TCF12: variants seen among roughly 807,000 people sequenced by gnomAD.
TCF12 encodes the protein DNA-binding protein HTF4.
In TCF12, 45 loss-of-function variants were observed where a neutral mutation model predicts 86.0. The observed-to-expected ratio is 0.52, with a 90% CI of 0.41 to 0.67. The LOEUF (loss-of-function observed/expected upper bound fraction) is 0.67. TCF12 is among the 30% of genes least tolerant of loss of function. TCF12 has a pLI of 0.00. For missense variants in TCF12, 881 were observed against 859.9 expected, an observed-to-expected ratio of 1.02 and a Z score of -0.31; for synonymous variants, 330 against 299.6, an observed-to-expected ratio of 1.10 and a Z score of -1.05.
chr15:57,234,814 T>C (rs2059313946), intron 12 of TCF12, among the ~76,000 whole-genome samples: 1 of 152,230 alleles, frequency 6.6e-6, no homozygotes, highest in African/African-American at 2.4e-5. Flanking sequence ...GGGGCACTTG[T>C]GCTTTGCGCT....
At chr15:56,996,211 T>A (rs757649085) in intron 3 of TCF12, among the ~76,000 whole-genome samples, 2 of 152,154 alleles carry the variant, frequency 1.3e-5, no homozygotes, top group African/African-American at 2.4e-5. Context: ...GATTTTTGTG[T>A]CTGTATTCAT....
chr15:57,090,119 G>T (rs557352437), intron 4 of TCF12, among the ~76,000 whole-genome samples: 3 of 152,258 alleles, frequency 2.0e-5, no homozygotes, highest in Admixed American at 2.0e-4. Context: ...CTGGGAGCCT[G>T]AGGTGGGAGG....
chr15:57,179,180 T>A (rs2056163346), intron 6 of TCF12, among the ~76,000 whole-genome samples: 1 of 152,172 alleles, frequency 6.6e-6, no homozygotes, highest in African/African-American at 2.4e-5. Flanking sequence ...ATTTTCTTTT[T>A]TTGTGCTAGA....
chr15:57,271,693 C>G (rs186455855), intron 18 of TCF12, among the ~76,000 whole-genome samples: 1 of 152,336 alleles, frequency 6.6e-6, no homozygotes, highest in East Asian at 1.9e-4. Flanking sequence ...GAGCTGTAGA[C>G]CAGAGCTGTT....
intron 3 of TCF12, among the ~76,000 whole-genome samples, chr15:56,984,095 G>A (rs1227302309): frequency 6.8e-6 from 1 of 147,088 alleles, no homozygotes; most frequent in Non-Finnish European, 1.5e-5. Flanking sequence ...ACCTATTCTT[G>A]TGAAGAGAGA....
intron 3 of TCF12, among the ~76,000 whole-genome samples, chr15:56,985,816 C>T (rs1271995809): frequency 6.6e-6 from 1 of 152,114 alleles, no homozygotes; most frequent in Non-Finnish European, 1.5e-5. Flanking sequence ...AAATGAAGAA[C>T]TCAGTGACTA....
chr15:57,022,246 T>C (rs2065537746), intron 3 of TCF12, among the ~76,000 whole-genome samples: 1 of 151,646 alleles, frequency 6.6e-6, no homozygotes, highest in African/African-American at 2.4e-5. Flanking sequence ...GGTCCCGGTG[T>C]GTGATGTTCC....
intron 3 of TCF12, among the ~76,000 whole-genome samples, chr15:56,977,209 A>C (rs555667497): frequency 6.6e-6 from 1 of 152,240 alleles, no homozygotes; most frequent in East Asian, 1.9e-4. Context: ...GGCAGGACAT[A>C]TGGGGGAAAA....
At chr15:57,119,742 TG>T (rs1716876098) in intron 5 of TCF12, among the ~76,000 whole-genome samples, 1 of 152,138 alleles carries the variant, frequency 6.6e-6, no homozygotes, top group South Asian at 2.1e-4. Context: ...AGCAGATCCT[TG>T]GTAAATATTC....
At chr15:56,969,913 T>C (rs892205981) in intron 3 of TCF12, among the ~76,000 whole-genome samples, 1 of 152,194 alleles carries the variant, frequency 6.6e-6, no homozygotes, top group Non-Finnish European at 1.5e-5. Context: ...CAAAAGACAC[T>C]TGAGAAGGCA....
chr15:56,941,321 C>G (rs1383516427), intron 3 of TCF12, among the ~76,000 whole-genome samples: 4 of 151,930 alleles, frequency 2.6e-5, no homozygotes, highest in Admixed American at 6.6e-5. Context: ...AAGCCAAGAT[C>G]GTGCCACTGC....
chr15:57,078,476 C>G (rs973308627), intron 4 of TCF12, among the ~76,000 whole-genome samples: 24 of 152,178 alleles, frequency 1.6e-4, no homozygotes, highest in African/African-American at 5.8e-4. Flanking sequence ...ATGTCTCTCT[C>G]TTCTTGTGAC....
At chr15:57,108,339 C>T (rs1183747808) in intron 5 of TCF12, among the ~76,000 whole-genome samples, 8 of 152,156 alleles carry the variant, frequency 5.3e-5, no homozygotes, top group Middle Eastern at 6.8e-3. Context: ...TACCCCCAAC[C>T]CTAGAGGCAA....
intron 3 of TCF12, among the ~76,000 whole-genome samples, chr15:56,956,807 T>C (rs1202780961): frequency 6.6e-6 from 1 of 152,214 alleles, no homozygotes; most frequent in Non-Finnish European, 1.5e-5. Context: ...AGATTTTTTT[T>C]TTAAATTACA....
At chr15:57,158,189 T>TTTG (rs1256750643) in intron 5 of TCF12, among the ~76,000 whole-genome samples, 6 of 142,366 alleles carry the variant, frequency 4.2e-5, no homozygotes, top group Non-Finnish European at 6.1e-5. Context: ...AAGTCGTTTC[T>TTTG]TTTTTTTTTT....
chr15:56,920,984 A>G, intron 2 of TCF12, 42 bp from the exon 3 acceptor site: 1 of 1,496,134 alleles, frequency 6.7e-7, no homozygotes, highest in Non-Finnish European at 9.1e-7. Context: ...AGGAATCTAG[A>G]AGAATTTCAG....
chr15:56,984,727 A>T (rs1181597939), intron 3 of TCF12, among the ~76,000 whole-genome samples: 1 of 152,162 alleles, frequency 6.6e-6, no homozygotes, highest in Non-Finnish European at 1.5e-5. Context: ...AGAATGAAGG[A>T]TGTGTGAGCC....
intron 6 of TCF12, among the ~76,000 whole-genome samples, chr15:57,168,896 A>G (rs1474294711): frequency 6.6e-6 from 1 of 152,144 alleles, no homozygotes; most frequent in East Asian, 1.9e-4. Flanking sequence ...GCATACAAAA[A>G]TTAGCCGGGC....
At chr15:57,030,331 T>G (rs2066088046) in intron 3 of TCF12, among the ~76,000 whole-genome samples, 1 of 152,176 alleles carries the variant, frequency 6.6e-6, no homozygotes, top group Admixed American at 6.5e-5. Flanking sequence ...CTGAAACTCC[T>G]GAGCTCAACT....
Sources: gnomAD v4.1 joint callset for allele counts (sites outside exome capture counted in the v4.1 genomes callset) on GRCh38, gnomAD v4.1.1 for gene constraint, MANE v1.5 for transcripts, NCBI Gene and HGNC (gene_info 2026-07-23, HGNC 2026-07-21) for gene names.